The following SCAF4 variants were observed in gnomAD, a reference collection of about 807,000 sequenced individuals.
SCAF4 encodes the protein SR-related and CTD-associated factor 4.
Under a neutral mutation model 129.8 loss-of-function variants are expected in SCAF4, and 25 were observed. The observed-to-expected ratio is 0.19, with a 90% confidence interval of 0.14 to 0.27. The LOEUF (loss-of-function observed/expected upper bound fraction) is 0.27, where lower values mean the gene tolerates loss of function less well. Ranked by LOEUF, SCAF4 falls within the 10% of genes least tolerant of loss-of-function variation. The pLI is 1.00. For synonymous variants in SCAF4, 551 were observed against 497.7 expected, an observed-to-expected ratio of 1.11 and a Z score of -1.43; for missense variants, 1,246 against 1,457.1, an observed-to-expected ratio of 0.86 and a Z score of 2.36.
chr21:31,681,716 A>G (rs2049999122), intron 19 of SCAF4, among the ~76,000 whole-genome samples: 1 of 152,216 alleles, frequency 6.6e-6, no homozygotes, highest in African/African-American at 2.4e-5. Flanking sequence ...TTACTAAAAG[A>G]ATCAAAATCT....
At chr21:31,729,318 T>C (rs752006345) in intron 1 of SCAF4, among the ~76,000 whole-genome samples, 2 of 152,222 alleles carry the variant, frequency 1.3e-5, no homozygotes, top group Non-Finnish European at 2.9e-5. Flanking sequence ...CTAAAACTGA[T>C]ACCTGCTCCT....
rs144653151 is a variant in SCAF4 at position 31,690,873 on chromosome 21, T to C, written c.1809A>G (p.Pro603=). Residue 603 remains proline (P), a synonymous_variant, in exon 15 of 20, where the codon CCA becomes CCG. Coordinates refer to ENST00000286835, the MANE Select transcript of SCAF4 (RefSeq NM_020706.2). ...WDVELGVTYI[P]WDKVKPEELE... ...GTTCCTCAGGCTTGACTTTGTCCCATGGAATATAAGTAACACCAAGTTCTA... is the reference window on the plus strand; with the variant it reads ...GTTCCTCAGGCTTGACTTTGTCCCACGGAATATAAGTAACACCAAGTTCTA... 7.1e-5 allele frequency: 115 copies of C among 1,613,846 alleles called. No individual in the cohort carries two copies. Among genetic ancestry groups the C allele is most frequent in the Non-Finnish European group, 1.5e-5 (18 of 1,179,860 alleles).
intron 1 of SCAF4, among the ~76,000 whole-genome samples, chr21:31,716,705 TAGGTA>T (rs1477803145): frequency 6.6e-6 from 1 of 152,160 alleles, no homozygotes; most frequent in Non-Finnish European, 1.5e-5. Context: ...CTAGAACAAC[TAGGTA>T]AGGGATCATG....
At chr21:31,700,928 G>A (rs1281157258) in intron 7 of SCAF4, 67 bp downstream of exon 7, 2 of 1,484,074 alleles carry the variant, frequency 1.3e-6, no homozygotes, top group South Asian at 1.1e-5. Context: ...GGATACAGAA[G>A]TGATAATTTC....
chr21:31,675,174 A>G (rs2049820853), intron 19 of SCAF4, among the ~76,000 whole-genome samples: 1 of 152,222 alleles, frequency 6.6e-6, no homozygotes, highest in South Asian at 2.1e-4. Context: ...AGGAGAAAAT[A>G]CAGATGAGGT....
intron 1 of SCAF4, 173 bp from the exon 2 acceptor site, chr21:31,706,530 C>T: frequency 1.7e-6 from 1 of 590,788 alleles, no homozygotes; most frequent in Admixed American, 3.2e-5. Flanking sequence ...GCACCCAGCA[C>T]ACACCCTCCC....
In SCAF4 at chr21:31,671,785, T is replaced by G. The variant is rs780407972; in HGVS notation, c.3058A>C (p.Asn1020His). ...ENDRERYGNR[N>H]DDRDNSNRDR... ...CGGTTACTATTATCTCTATCATCAT[T>G]ACGGTTCCCATACCGTTCCCGGTCA... The change falls in exon 20 of 20, where the codon AAT (asparagine) becomes CAT (histidine). Residue 1020 changes from asparagine to histidine, a missense_variant. Around this residue, in one of 6 missense-constraint regions of SCAF4, gnomAD observed 339 missense variants for 325.0 expected, o/e 1.04. Transcript: ENST00000286835. 3 of 1,613,968 alleles carry G rather than the reference T, an allele frequency of 1.9e-6. No individual in the cohort carries two copies. The highest frequency in any genetic ancestry group is 2.5e-6 in the Non-Finnish European group (3 of 1,179,932).
chr21:31,690,753 C>G (rs755294716), intron 15 of SCAF4, 44 bp downstream of exon 15: 1 of 1,565,322 alleles, frequency 6.4e-7, no homozygotes, highest in South Asian at 1.2e-5. Flanking sequence ...TATGTACTAC[C>G]AAGCAAATAA....
At chr21:31,699,026 G>A (rs866853060) in intron 7 of SCAF4, among the ~76,000 whole-genome samples, 3 of 152,120 alleles carry the variant, frequency 2.0e-5, no homozygotes, top group Admixed American at 6.5e-5. Context: ...GTATGAGGGG[G>A]AGTTTGAAAA....
At chr21:31,682,948 A>G (rs2050030185) in intron 19 of SCAF4, among the ~76,000 whole-genome samples, 1 of 152,208 alleles carries the variant, frequency 6.6e-6, no homozygotes, top group Admixed American at 6.5e-5. Flanking sequence ...AATTCCTGTG[A>G]TATTCTTTTC....
chr21:31,702,952 T>C (rs2050570225), intron 4 of SCAF4, among the ~76,000 whole-genome samples: 1 of 152,196 alleles, frequency 6.6e-6, no homozygotes, highest in Admixed American at 6.5e-5. Flanking sequence ...CTGTTTATTG[T>C]AAATGTCTCC....
At chr21:31,731,525 C>T in intron 1 of SCAF4, 138 bp downstream of exon 1, 1 of 1,017,926 alleles carries the variant, frequency 9.8e-7, no homozygotes, top group Non-Finnish European at 1.4e-6. Flanking sequence ...GGCCCCGCTC[C>T]GCGCAGGCCC....
intron 1 of SCAF4, among the ~76,000 whole-genome samples, chr21:31,713,904 A>T (rs1236821788): frequency 1.3e-5 from 2 of 152,104 alleles, no homozygotes; most frequent in African/African-American, 4.8e-5. Context: ...ATTTCAGTCA[A>T]CAAACCTCAG....
At chr21:31,694,069 C>T (rs1177623703) in intron 11 of SCAF4, 135 bp downstream of exon 11, 3 of 511,428 alleles carry the variant, frequency 5.9e-6, no homozygotes, top group African/African-American at 3.9e-5. Flanking sequence ...CCCCCTTCTA[C>T]ACACATATAC....
Position 31,671,738 on chromosome 21 carries a change from C to T in SCAF4, c.3105G>A (p.Arg1035=). The change falls in exon 20 of 20, where the codon AGG becomes AGA. Residue 1035 remains arginine, a synonymous_variant. Transcript: ENST00000286835. The part of the protein sequence containing the change: ...NSNRDRREWG[R]RSPDRDRHRD... ...TGTGCCTGTCCCGGTCAGGGCTCCT[C>T]CTTCCCCACTCTCTCCTGTCACGGT... 1 of 1,614,174 alleles carries T rather than the reference C, an allele frequency of 6.2e-7. No individual in the cohort carries two copies. The highest frequency in any genetic ancestry group is 8.5e-7 in the Non-Finnish European group (1 of 1,180,006).
chr21:31,721,270 T>C (rs1189676709), intron 1 of SCAF4, among the ~76,000 whole-genome samples: 3 of 152,356 alleles, frequency 2.0e-5, no homozygotes, highest in East Asian at 1.9e-4. Flanking sequence ...TTTGGACTTA[T>C]TTCAACTGAT....
Position 31,685,031 on chromosome 21 carries a change from T to G in SCAF4, c.2488+18A>C. ...GGGGTGGGGCAAGGAAAACTAATGA[T>G]AAAAAAAAATAACTTACCAAGAAGT... On this transcript the variant is annotated intron_variant, in intron 19 of 19. Coordinates refer to ENST00000286835, the MANE Select transcript of SCAF4 (RefSeq NM_020706.2). The G allele has an allele frequency of 7.3e-7, 1 of 1,374,148 alleles. No homozygotes were observed. The highest frequency in any genetic ancestry group is 1.0e-6 in the Non-Finnish European group (1 of 985,790). 85.1% of individuals were successfully genotyped at this position (1,374,148 alleles called of 1,614,324 possible). A position where few individuals can be genotyped will look rare whatever the true frequency, so the allele number is the denominator to read the frequency against.
intron 13 of SCAF4, 82 bp downstream of exon 13, chr21:31,692,267 C>T: frequency 9.4e-7 from 1 of 1,059,134 alleles, no homozygotes; most frequent in Non-Finnish European, 1.5e-6. Flanking sequence ...CAAATTGTAA[C>T]TTTGGTCTCA....
intron 1 of SCAF4, 91 bp downstream of exon 1, chr21:31,731,572 C>A (rs988023694): frequency 1.4e-6 from 2 of 1,460,664 alleles, no homozygotes; most frequent in Non-Finnish European, 1.9e-6. Flanking sequence ...CGTCCCCACC[C>A]GGACCAAAGC....
Sources: allele counts gnomAD v4.1 joint callset (sites outside exome capture counted in the v4.1 genomes callset), GRCh38; gene constraint gnomAD v4.1.1; regional missense constraint gnomAD v4.1.1; transcripts MANE v1.5; gene names NCBI Gene and HGNC (gene_info 2026-07-23, HGNC 2026-07-21).